UBE2E2: variants seen among roughly 807,000 people sequenced by gnomAD.
UBE2E2 encodes ubiquitin-conjugating enzyme E2 E2.
In UBE2E2, 6 loss-of-function variants were observed where a neutral mutation model predicts 24.7. That is an observed-to-expected ratio of 0.24 (90% CI 0.13 to 0.48). The LOEUF is 0.48. UBE2E2 is among the 20% of genes least tolerant of loss of function. The probability of loss-of-function intolerance (pLI) is 0.99; values close to 1 mark genes in which losing one functional copy is unlikely to be tolerated. For synonymous variants in UBE2E2, 104 were observed against 83.6 expected, an observed-to-expected ratio of 1.24 and a Z score of -1.33; for missense variants, 169 against 245.0, an observed-to-expected ratio of 0.69 and a Z score of 2.07.
chr3:23,495,233 C>T (rs148594916), intron 3 of UBE2E2, among the ~76,000 whole-genome samples: 1 of 152,214 alleles, frequency 6.6e-6, no homozygotes, highest in Non-Finnish European at 1.5e-5. Flanking sequence ...TTCAAAGAAC[C>T]AATAAAACTT....
chr3:23,344,120 C>G (rs530373337), intron 3 of UBE2E2, among the ~76,000 whole-genome samples: 2 of 152,070 alleles, frequency 1.3e-5, no homozygotes, highest in Middle Eastern at 6.8e-3. Context: ...GATTTTTTTT[C>G]AGTCCTGATT....
chr3:23,253,491 G>A (rs564348548), intron 3 of UBE2E2, among the ~76,000 whole-genome samples: 1 of 152,334 alleles, frequency 6.6e-6, no homozygotes, highest in African/African-American at 2.4e-5. Context: ...TAGTGCTGCT[G>A]AAACTACTAC....
chr3:23,208,038 T>C (rs1184230001), intron 1 of UBE2E2, among the ~76,000 whole-genome samples: 2 of 152,054 alleles, frequency 1.3e-5, no homozygotes, highest in African/African-American at 4.8e-5. Context: ...TATTTTTTTA[T>C]TAATTTTTTT....
chr3:23,208,463 G>C (rs1214423155), intron 1 of UBE2E2, among the ~76,000 whole-genome samples: 2 of 152,196 alleles, frequency 1.3e-5, no homozygotes, highest in Middle Eastern at 3.4e-3. Flanking sequence ...GAATAATGTT[G>C]CTATGAACAT....
chr3:23,539,175 G>C (rs918649069), intron 5 of UBE2E2, among the ~76,000 whole-genome samples: 1 of 152,144 alleles, frequency 6.6e-6, no homozygotes, highest in East Asian at 1.9e-4. Flanking sequence ...TTAGCCCATG[G>C]TATTTCTGCT....
rs190655875 is a variant in UBE2E2 at position 23,433,792 on chromosome 3, C to A, written c.228-65816C>A. On this transcript the variant is annotated intron_variant, in intron 3 of 5. Transcript: ENST00000396703. ...TCAGTGATCTCTTTTTATAAATTTA[C>A]AACTTCCAAGAAAAGCTAACTAATA... 5.7e-4 allele frequency among the ~76,000 whole-genome samples: 87 copies of A among 151,850 alleles called. 1 individual carries two copies. The highest frequency in any genetic ancestry group is 2.0e-3 in the African/African-American group (83 of 41,460).
intron 3 of UBE2E2, among the ~76,000 whole-genome samples, chr3:23,267,949 A>C (rs1423731751): frequency 1.3e-5 from 2 of 151,940 alleles, no homozygotes; most frequent in Non-Finnish European, 2.9e-5. Context: ...AACCAAAGAC[A>C]AAAACCACAT....
At position 23,291,192 on chromosome 3, in the gene UBE2E2, G is replaced by A. The variant is rs578173519; in HGVS notation, c.227+73880G>A. Among the ~76,000 whole-genome samples, 3 of 152,138 alleles carry A rather than the reference G, an allele frequency of 2.0e-5. No individual in the cohort carries two copies. The South Asian group carries it at 6.2e-4, about 32-fold the overall frequency. On this transcript the variant is annotated intron_variant, in intron 3 of 5. Coordinates refer to ENST00000396703, the MANE Select transcript of UBE2E2 (RefSeq NM_152653.4). The stretch of plus-strand genomic sequence containing the variant: ...GCTTGGCCAGATAAGGGACTTCTAG[G>A]TAGAACCATGCACAAAAAGGTGGTT...
intron 3 of UBE2E2, among the ~76,000 whole-genome samples, chr3:23,294,704 ATATAT>A (rs200437241): frequency 0.029 from 4,222 of 146,982 alleles, 102 homozygotes; most frequent in East Asian, 0.13. Context: ...TATTTATATA[ATATAT>A]TATAAAATAA....
At chr3:23,384,982 T>TTGCGGTGGCATGATCTCAGCTCAC (rs1559368550) in intron 3 of UBE2E2, among the ~76,000 whole-genome samples, 2 of 151,742 alleles carry the variant, frequency 1.3e-5, no homozygotes, top group African/African-American at 4.8e-5. Flanking sequence ...CCCAGTCTGA[T>TTGCGGTGGCATGATCTCAGCTCAC]TGCGGTGGCA....
chr3:23,320,312 T>A (rs116281165), intron 3 of UBE2E2, among the ~76,000 whole-genome samples: 1,695 of 152,324 alleles, frequency 0.011, 25 homozygotes, highest in African/African-American at 0.037. Flanking sequence ...TCTTCTTTCC[T>A]CTTATATATT....
At chr3:23,252,138 A>G (rs1697591289) in intron 3 of UBE2E2, among the ~76,000 whole-genome samples, 1 of 152,226 alleles carries the variant, frequency 6.6e-6, no homozygotes. Context: ...GCTCTTTACT[A>G]GGTGATATCT....
chr3:23,543,336 A>G (rs1280531840), intron 5 of UBE2E2, among the ~76,000 whole-genome samples: 2 of 152,170 alleles, frequency 1.3e-5, no homozygotes, highest in Admixed American at 1.3e-4. Context: ...GAATACTCCT[A>G]GATTTGATAA....
intron 3 of UBE2E2, among the ~76,000 whole-genome samples, chr3:23,222,700 C>T (rs181934697): frequency 2.7e-4 from 41 of 152,160 alleles, no homozygotes; most frequent in African/African-American, 9.6e-4. Context: ...TTATGGGCAG[C>T]GTGAAAATGG....
chr3:23,410,711 A>T (rs1697477463), intron 3 of UBE2E2, among the ~76,000 whole-genome samples: 1 of 152,182 alleles, frequency 6.6e-6, no homozygotes, highest in African/African-American at 2.4e-5. Context: ...CAAAGTGGAG[A>T]TATATGTAAA....
intron 3 of UBE2E2, among the ~76,000 whole-genome samples, chr3:23,246,255 C>G (rs1016295401): frequency 8.7e-5 from 11 of 125,808 alleles, no homozygotes; most frequent in Non-Finnish European, 1.6e-4. Context: ...GAGTCTCGCT[C>G]TGTCGCCCAG....
chr3:23,584,122 CATG>C (rs746137861), intron 5 of UBE2E2, among the ~76,000 whole-genome samples: 1 of 152,122 alleles, frequency 6.6e-6, no homozygotes, highest in Non-Finnish European at 1.5e-5. Flanking sequence ...GGGTTTTTAA[CATG>C]ATGATATGTT....
At chr3:23,497,247 C>T (rs1391559615) in intron 3 of UBE2E2, among the ~76,000 whole-genome samples, 1 of 152,124 alleles carries the variant, frequency 6.6e-6, no homozygotes, top group African/African-American at 2.4e-5. Flanking sequence ...TCACTAGTGG[C>T]CCTTCGTATG....
At chr3:23,419,952 C>A (rs150318900) in intron 3 of UBE2E2, among the ~76,000 whole-genome samples, 1 of 152,258 alleles carries the variant, frequency 6.6e-6, no homozygotes, top group East Asian at 1.9e-4. Flanking sequence ...GCAGTTACTA[C>A]TGTTGGGTGT....
Sources: gnomAD v4.1 joint callset for allele counts (sites outside exome capture counted in the v4.1 genomes callset) on GRCh38, gnomAD v4.1.1 for gene constraint, MANE v1.5 for transcripts, NCBI Gene and HGNC (gene_info 2026-07-23, HGNC 2026-07-21) for gene names.